The following LDB2 variants were observed in gnomAD, a reference collection of about 807,000 sequenced individuals.
LDB2 encodes LIM domain binding 2.
A neutral mutation model predicts 44.3 loss-of-function variants in LDB2; 12 were observed. The ratio of observed to expected loss-of-function variants is 0.27; its 90% CI spans 0.17 to 0.44. LDB2 has a LOEUF of 0.44. Among genes scored for constraint, LDB2 ranks in the 20% least tolerant of loss-of-function variants. The pLI is 1.00. For synonymous variants in LDB2, 164 were observed against 174.8 expected (o/e 0.94, Z 0.49); for missense variants, 344 against 473.5 (o/e 0.73, Z 2.54).
chr4:16,527,864 C>T (rs562902352), intron 5 of LDB2, among the ~76,000 whole-genome samples: 24 of 152,002 alleles, frequency 1.6e-4, no homozygotes, highest in Admixed American at 3.9e-4. Flanking sequence ...ATCTTTATTT[C>T]AGTAATCATT....
At position 16,592,505 on chromosome 4, in the gene LDB2, T is replaced by TACAC. The variant is rs58460959; in HGVS notation, c.408+3194_408+3197dup. Among the ~76,000 whole-genome samples the TACAC allele has an allele frequency of 2.6e-3, 278 of 107,912 alleles. 2 individuals carry two copies. Among genetic ancestry groups the TACAC allele is most frequent in the South Asian group, 6.9e-3 (20 of 2,892 alleles). 70.8% of individuals were successfully genotyped at this position (107,912 alleles called of 152,430 possible). A position where few individuals can be genotyped will look rare whatever the true frequency, so the allele number is the denominator to read the frequency against. On this transcript the variant is annotated intron_variant, in intron 3 of 7. Transcript: ENST00000304523. ...ATATATATATATATATATATATATATACACACACACACACACAAACACACA... is the reference window on the plus strand; with the variant it reads ...ATATATATATATATATATATATATATACACACACACACACACACACAAACACACA...
chr4:16,707,416 G>A (rs1380834122), intron 2 of LDB2, among the ~76,000 whole-genome samples: 1 of 152,154 alleles, frequency 6.6e-6, no homozygotes, highest in Non-Finnish European at 1.5e-5. Flanking sequence ...ATGGACATGG[G>A]AGTAATGTAA....
chr4:16,634,757 G>A (rs1330723916), intron 2 of LDB2, among the ~76,000 whole-genome samples: 1 of 152,168 alleles, frequency 6.6e-6, no homozygotes, highest in Non-Finnish European at 1.5e-5. Flanking sequence ...TCTAGAACTA[G>A]AAATACCATT....
At chr4:16,557,346 T>C (rs900125573) in intron 5 of LDB2, among the ~76,000 whole-genome samples, 1 of 152,148 alleles carries the variant, frequency 6.6e-6, no homozygotes, top group African/African-American at 2.4e-5. Context: ...GAAAATCGGG[T>C]CACTCCCACC....
Position 16,563,429 on chromosome 4 carries a change from A to ATTTTTTT in LDB2, c.615+22486_615+22492dup, listed in dbSNP as rs1169491759. Among the ~76,000 whole-genome samples, 69 of 46,576 alleles carry ATTTTTTT rather than the reference A, an allele frequency of 1.5e-3. 24 individuals are homozygous for ATTTTTTT. Among genetic ancestry groups the ATTTTTTT allele is most frequent in the African/African-American group, 4.3e-3 (49 of 11,522 alleles). 30.6% of individuals were successfully genotyped at this position (46,576 alleles called of 152,430 possible). On this transcript the variant is annotated intron_variant, in intron 5 of 7. Coordinates refer to ENST00000304523, the MANE Select transcript of LDB2 (RefSeq NM_001290.5). ...TCAAAACCATCTCATCAGTCATCAG[A>ATTTTTTT]TTTTTTTTTTTTTTTTTTTTTTTTT... is the stretch of plus-strand genomic sequence containing the variant.
intron 5 of LDB2, among the ~76,000 whole-genome samples, chr4:16,550,105 G>A (rs1737135764): frequency 6.6e-6 from 1 of 152,212 alleles, no homozygotes; most frequent in African/African-American, 2.4e-5. Context: ...ACCTAAGTAA[G>A]TTAAATAAAC....
chr4:16,811,096 G>A (rs1233991784), intron 1 of LDB2, among the ~76,000 whole-genome samples: 4 of 152,152 alleles, frequency 2.6e-5, no homozygotes, highest in African/African-American at 7.2e-5. Context: ...ACAATCTAAC[G>A]CCGGTATCAG....
intron 1 of LDB2, among the ~76,000 whole-genome samples, chr4:16,800,049 C>A (rs543547158): frequency 6.6e-6 from 1 of 152,088 alleles, no homozygotes; most frequent in South Asian, 2.1e-4. Context: ...AAGGAAAAGA[C>A]TGAGGTCCGG....
At chr4:16,786,593 A>G (rs1774470658) in intron 1 of LDB2, among the ~76,000 whole-genome samples, 2 of 152,194 alleles carry the variant, frequency 1.3e-5, no homozygotes, top group South Asian at 2.1e-4. Flanking sequence ...ACATAAACAC[A>G]TATTCAAACA....
chr4:16,512,546 C>T (rs1419757260), intron 5 of LDB2, among the ~76,000 whole-genome samples: 2 of 152,228 alleles, frequency 1.3e-5, no homozygotes, highest in East Asian at 1.9e-4. Context: ...TATAACCACA[C>T]GCTGTGAGTT....
intron 2 of LDB2, among the ~76,000 whole-genome samples, chr4:16,615,759 A>T (rs1036434224): frequency 2.0e-5 from 3 of 150,352 alleles, no homozygotes; most frequent in Non-Finnish European, 3.0e-5. Context: ...ATAAAATTTT[A>T]AAAAAAGAAG....
chr4:16,595,211 G>A (rs191290864), intron 3 of LDB2, among the ~76,000 whole-genome samples: 13 of 152,098 alleles, frequency 8.5e-5, no homozygotes, highest in Admixed American at 2.6e-4. Context: ...GCTGCTTGTT[G>A]AATTCCCTAA....
At chr4:16,591,812 G>T (rs889658408) in intron 3 of LDB2, among the ~76,000 whole-genome samples, 1 of 151,242 alleles carries the variant, frequency 6.6e-6, no homozygotes, top group African/African-American at 2.4e-5. Context: ...TCTCTCTTCA[G>T]AAAAATTCTG....
intron 1 of LDB2, among the ~76,000 whole-genome samples, chr4:16,817,455 C>T (rs1040944739): frequency 6.6e-6 from 1 of 152,112 alleles, no homozygotes; most frequent in Non-Finnish European, 1.5e-5. Context: ...TCTTTTAAGC[C>T]CCATGGGGAT....
At chr4:16,610,995 C>T (rs930042190) in intron 2 of LDB2, among the ~76,000 whole-genome samples, 1 of 152,148 alleles carries the variant, frequency 6.6e-6, no homozygotes, top group Non-Finnish European at 1.5e-5. Flanking sequence ...AAGGGAAGCC[C>T]ATCAGACTAA....
chr4:16,830,561 C>T (rs569176351), intron 1 of LDB2, among the ~76,000 whole-genome samples: 13 of 152,322 alleles, frequency 8.5e-5, no homozygotes, highest in Admixed American at 4.6e-4. Flanking sequence ...ATTCCCAAGG[C>T]ATGTCAGACT....
Position 16,674,419 on chromosome 4 carries a change from A to T in LDB2, c.236-78544T>A, listed in dbSNP as rs146013085. The T allele has an allele frequency of 1.7e-3, 784 of 474,420 alleles. 5 individuals are homozygous for T. Among genetic ancestry groups the T allele is most frequent in the African/African-American group, 0.014 (689 of 49,990 alleles). The allele number at this position is 474,420 out of a possible 1,614,324, so 29.4% of individuals were successfully genotyped here. On this transcript the variant is annotated intron_variant, in intron 2 of 7. Coordinates refer to ENST00000304523, the MANE Select transcript of LDB2 (RefSeq NM_001290.5). Reference sequence around the variant, plus strand: ...AGGGACCCCAGCTCTCTCAGTGATAATTCAGGAGCACCCATCATTCATTGA... The same window carrying T: ...AGGGACCCCAGCTCTCTCAGTGATATTTCAGGAGCACCCATCATTCATTGA...
chr4:16,674,232 G>T, intron 2 of LDB2: 1 of 1,288,772 alleles, frequency 7.8e-7, no homozygotes, highest in South Asian at 1.2e-5. Context: ...TTACATGATA[G>T]GAAATTGTAA....
intron 2 of LDB2, among the ~76,000 whole-genome samples, chr4:16,643,951 TCTTTGGTCTCTC>T (rs1287869631): frequency 1.3e-5 from 2 of 152,256 alleles, no homozygotes; most frequent in African/African-American, 4.8e-5. Context: ...TTTCATTGTT[TCTTTGGTCTCTC>T]CTAAACAACA....
Sources: gnomAD v4.1 joint callset for allele counts (sites outside exome capture counted in the v4.1 genomes callset) on GRCh38, gnomAD v4.1.1 for gene constraint, MANE v1.5 for transcripts, NCBI Gene and HGNC (gene_info 2026-07-23, HGNC 2026-07-21) for gene names.